The following UBAC2 variants were observed in gnomAD, a reference collection of about 807,000 sequenced individuals.
The protein encoded by UBAC2 is ubiquitin-associated domain-containing protein 2.
Under a neutral mutation model 44.0 loss-of-function variants are expected in UBAC2, and 26 were observed. That is an observed-to-expected ratio of 0.59 (90% CI 0.43 to 0.82). The LOEUF is 0.82. Among genes scored for constraint, UBAC2 ranks in the 40% least tolerant of loss-of-function variants. The pLI is 0.00. For synonymous variants in UBAC2, 155 were observed against 154.3 expected (o/e 1.00, Z -0.04); for missense variants, 329 against 419.4 (o/e 0.78, Z 1.88).
chr13:99,338,047 C>T (rs2390238), intron 6 of UBAC2, among the ~76,000 whole-genome samples: 8,372 of 47,904 alleles, frequency 0.17, 262 homozygotes, highest in Non-Finnish European at 0.2. Context: ...TTCTTTTTTT[C>T]TTTTTTTTTT....
chr13:99,266,834 A>G (rs1369850682), intron 4 of UBAC2, among the ~76,000 whole-genome samples: 3 of 152,198 alleles, frequency 2.0e-5, no homozygotes, highest in Non-Finnish European at 2.9e-5. Context: ...ATCATACAGC[A>G]AATATCTCTT....
In UBAC2 at chr13:99,254,941, C is replaced by A. The variant is rs767096993; in HGVS notation, c.389+10317C>A. On this transcript the variant is annotated intron_variant, in intron 4 of 8. Transcript: ENST00000403766. ...ACTACCAGATCGGAAACTTTTTCTG[C>A]GCATGCTTCGAAGGTAATTACGGTA... The A allele has an allele frequency of 9.2e-5, 148 of 1,613,798 alleles. No homozygotes were observed. Among genetic ancestry groups the A allele is most frequent in the Non-Finnish European group, 1.2e-4 (142 of 1,179,910 alleles).
At chr13:99,292,127 CT>C (rs969731169) in intron 4 of UBAC2, among the ~76,000 whole-genome samples, 11 of 148,956 alleles carry the variant, frequency 7.4e-5, no homozygotes, top group Admixed American at 2.0e-4. Context: ...GGTTACATTC[CT>C]TTTTTTTTTC....
At chr13:99,357,062 C>G (rs901317925) in intron 7 of UBAC2, among the ~76,000 whole-genome samples, 1 of 152,222 alleles carries the variant, frequency 6.6e-6, no homozygotes, top group Non-Finnish European at 1.5e-5. Context: ...TGGTCAATGA[C>G]AGATTGCATG....
At chr13:99,374,699 T>C (rs2045457143) in intron 8 of UBAC2, among the ~76,000 whole-genome samples, 1 of 152,176 alleles carries the variant, frequency 6.6e-6, no homozygotes, top group African/African-American at 2.4e-5. Context: ...CTAATATTTA[T>C]TGGTTTTGAG....
chr13:99,227,842 G>A (rs1028602223), intron 1 of UBAC2, among the ~76,000 whole-genome samples: 1 of 152,134 alleles, frequency 6.6e-6, no homozygotes, highest in Non-Finnish European at 1.5e-5. Context: ...TTATTCATTT[G>A]GTGCATGTGT....
At chr13:99,272,390 C>G (rs2043827492) in intron 4 of UBAC2, among the ~76,000 whole-genome samples, 1 of 152,192 alleles carries the variant, frequency 6.6e-6, no homozygotes, top group Admixed American at 6.5e-5. Context: ...TATCTATATC[C>G]TTAATCTTAA....
chr13:99,316,612 C>G (rs1242825428), intron 5 of UBAC2, among the ~76,000 whole-genome samples: 1 of 152,222 alleles, frequency 6.6e-6, no homozygotes, highest in African/African-American at 2.4e-5. Flanking sequence ...TAGCCCCTGT[C>G]CTCAAGGAGC....
At chr13:99,332,787 G>A (rs971924983) in intron 6 of UBAC2, among the ~76,000 whole-genome samples, 3 of 152,120 alleles carry the variant, frequency 2.0e-5, no homozygotes, top group East Asian at 3.8e-4. Flanking sequence ...TGGCCCCTCC[G>A]TTTGCTCTTT....
intron 5 of UBAC2, among the ~76,000 whole-genome samples, chr13:99,317,464 T>A (rs563243435): frequency 4.6e-5 from 7 of 152,326 alleles, no homozygotes; most frequent in African/African-American, 1.7e-4. Flanking sequence ...TTAACTTTGT[T>A]CTGTTATTTA....
rs1310290236 is a variant in UBAC2, at chr13:99,222,334, C to T, written c.32-16093C>T. On this transcript the variant is annotated intron_variant, in intron 1 of 8. Transcript: ENST00000403766. ...GACTCAATGGTGAGAATAAGCTGGACGTGGGAAGAACATTTTGGGTAGAGA... is the reference window on the plus strand; with the variant it reads ...GACTCAATGGTGAGAATAAGCTGGATGTGGGAAGAACATTTTGGGTAGAGA... Among the ~76,000 whole-genome samples the T allele has an allele frequency of 3.3e-5, 5 of 152,104 alleles. No homozygotes were observed. In the South Asian group the frequency reaches 8.3e-4, roughly 25 times the overall value.
At chr13:99,341,831 G>T (rs1457585870) in intron 7 of UBAC2, among the ~76,000 whole-genome samples, 1 of 152,176 alleles carries the variant, frequency 6.6e-6, no homozygotes, top group Admixed American at 6.5e-5. Context: ...GAGTATAAAG[G>T]TAGAGGCACA....
At chr13:99,317,253 A>G (rs898654392) in intron 5 of UBAC2, among the ~76,000 whole-genome samples, 3 of 152,130 alleles carry the variant, frequency 2.0e-5, no homozygotes, top group Non-Finnish European at 2.9e-5. Context: ...CTCTTCTTCC[A>G]CAATCAGAAG....
intron 1 of UBAC2, among the ~76,000 whole-genome samples, chr13:99,237,959 T>G (rs2043258232): frequency 6.6e-6 from 1 of 152,242 alleles, no homozygotes; most frequent in Admixed American, 6.5e-5. Flanking sequence ...TCTCTGGATA[T>G]GATTATATGA....
At chr13:99,206,367 C>T (rs1031881960) in intron 1 of UBAC2, among the ~76,000 whole-genome samples, 7 of 152,208 alleles carry the variant, frequency 4.6e-5, no homozygotes, top group Non-Finnish European at 1.0e-4. Context: ...AGAAAGTAGG[C>T]AGAGCTGGGG....
At chr13:99,300,813 A>G (rs1419857969) in intron 4 of UBAC2, among the ~76,000 whole-genome samples, 1 of 152,226 alleles carries the variant, frequency 6.6e-6, no homozygotes, top group Non-Finnish European at 1.5e-5. Flanking sequence ...GTTCCTCCTC[A>G]TACACAGCAG....
intron 4 of UBAC2, among the ~76,000 whole-genome samples, chr13:99,270,548 T>C (rs904284994): frequency 6.6e-6 from 1 of 152,160 alleles, no homozygotes; most frequent in African/African-American, 2.4e-5. Flanking sequence ...ATGTCCAAGA[T>C]TATAGTGGTA....
At chr13:99,216,987 T>C (rs1391470482) in intron 1 of UBAC2, among the ~76,000 whole-genome samples, 3 of 151,808 alleles carry the variant, frequency 2.0e-5, no homozygotes, top group Non-Finnish European at 4.4e-5. Context: ...CCTGCCACCA[T>C]GACCGGCTAA....
At chr13:99,223,540 C>CTTTTT (rs1217614346) in intron 1 of UBAC2, among the ~76,000 whole-genome samples, 4 of 34,904 alleles carry the variant, frequency 1.1e-4, no homozygotes, top group African/African-American at 3.1e-4. Context: ...TTCTCTTTTT[C>CTTTTT]TGTTTTTTTT....
Sources: gnomAD v4.1 joint callset for allele counts (sites outside exome capture counted in the v4.1 genomes callset) on GRCh38, gnomAD v4.1.1 for gene constraint, MANE v1.5 for transcripts, NCBI Gene and HGNC (gene_info 2026-07-23, HGNC 2026-07-21) for gene names.